The following SUGP1 variants were observed in gnomAD, a reference collection of about 807,000 sequenced individuals.
SUGP1 encodes the protein SURP and G-patch domain containing 1.
A neutral mutation model predicts 76.5 loss-of-function variants in SUGP1; 34 were observed. The ratio of observed to expected loss-of-function variants is 0.44; its 90% CI spans 0.34 to 0.59. The LOEUF is 0.59. Among genes scored for constraint, SUGP1 ranks in the 20% least tolerant of loss-of-function variants. The probability of loss-of-function intolerance (pLI) is 0.01; values close to 1 mark genes in which losing one functional copy is unlikely to be tolerated. For synonymous variants in SUGP1, 326 were observed against 326.2 expected (o/e 1.00, Z 0.01); for missense variants, 752 against 851.7 (o/e 0.88, Z 1.46).
At chr19:19,296,209 G>A (rs780986945) in intron 8 of SUGP1, among the ~76,000 whole-genome samples, 5 of 152,142 alleles carry the variant, frequency 3.3e-5, no homozygotes, top group Non-Finnish European at 7.3e-5. Flanking sequence ...GAACCCTTGT[G>A]CACTGCTGGT....
At position 19,300,862 on chromosome 19, in the gene SUGP1, T is replaced by A. The variant is rs867491415; in HGVS notation, c.887+1403A>T. On this transcript the variant is annotated intron_variant, in intron 7 of 13. Coordinates refer to ENST00000247001, the MANE Select transcript of SUGP1 (RefSeq NM_172231.4). ...GGAGGGCCGGGGCCACCTGCACCAA[T>A]AGCATCTCTCAGTTCTGACATCAGG... Among the ~76,000 whole-genome samples, 60 of 152,178 alleles carry A rather than the reference T, an allele frequency of 3.9e-4. 1 individual carries two copies. The highest frequency in any genetic ancestry group is 1.3e-3 in the African/African-American group (54 of 41,534).
At chr19:19,303,478 G>A (rs1438381192) in intron 5 of SUGP1, 30 bp from the exon 6 acceptor site, 1 of 1,582,440 alleles carries the variant, frequency 6.3e-7, no homozygotes, top group South Asian at 1.1e-5. Flanking sequence ...CAGAAGAGAG[G>A]GGAAAATAAG....
At chr19:19,307,131 C>A (rs761211131) in intron 3 of SUGP1, among the ~76,000 whole-genome samples, 32 of 152,184 alleles carry the variant, frequency 2.1e-4, no homozygotes, top group Admixed American at 1.3e-3. Flanking sequence ...GCAGCCTCTA[C>A]CTCCTGAACT....
In SUGP1 at chr19:19,279,235, G is replaced by A. The variant is rs1227358386; in HGVS notation, c.1506C>T (p.Arg502=). Residue 502 remains arginine, a synonymous_variant, in exon 10 of 14, where the codon CGC becomes CGT. Coordinates refer to ENST00000247001, the MANE Select transcript of SUGP1 (RefSeq NM_172231.4). ...TACCCCTGGTCTTATCCATCTCCAT[G>A]CGCCGCAGCTGGTGCTCCCAGGTGC... ...ELGTWEHQLR[R]MEMDKTREWA... 6.3e-7 allele frequency: 1 copy of A among 1,595,846 alleles called. No individual in the cohort carries two copies. Among genetic ancestry groups the A allele is most frequent in the Admixed American group, 1.7e-5 (1 of 59,420 alleles).
chr19:19,319,698 C>T (rs1473740011), intron 1 of SUGP1, among the ~76,000 whole-genome samples: 1 of 134,300 alleles, frequency 7.4e-6, no homozygotes, highest in Non-Finnish European at 1.6e-5. Context: ...CAAAGTGAGA[C>T]CCTGTCTCAA....
intron 12 of SUGP1, 38 bp from the exon 13 acceptor site, chr19:19,277,114 C>T: frequency 1.3e-6 from 2 of 1,588,466 alleles, no homozygotes; most frequent in Non-Finnish European, 8.5e-7. Context: ...GACCTGGGGC[C>T]AGAACTCTGG....
chr19:19,302,345 CT>C lies in SUGP1; in HGVS notation c.806del (p.Lys269SerfsTer6), dbSNP rs745809366. 6.2e-7 allele frequency: 1 copy of C among 1,614,208 alleles called. No homozygotes were observed. Reference sequence around the variant, plus strand: ...CCCCGTCCGCTATGAACCTGGCCAACTTTTCTGCAAGGTTCTTGACCTCTTC... The same window carrying C: ...CCCCGTCCGCTATGAACCTGGCCAACTTTCTGCAAGGTTCTTGACCTCTTC... ...EDEEVKNLAE[K>X]LARFIADGGP... is the part of the protein sequence containing the mutation. On this transcript the variant is annotated frameshift_variant, in exon 7 of 14. Coordinates refer to ENST00000247001, the MANE Select transcript of SUGP1 (RefSeq NM_172231.4). LOFTEE classifies it high-confidence loss of function.
intron 8 of SUGP1, among the ~76,000 whole-genome samples, chr19:19,292,720 C>T (rs1436288221): frequency 1.3e-5 from 2 of 151,976 alleles, no homozygotes; most frequent in Non-Finnish European, 2.9e-5. Context: ...CCTATGAATA[C>T]AGATGGAGAA....
chr19:19,293,907 G>A (rs1011377022), intron 8 of SUGP1, among the ~76,000 whole-genome samples: 6 of 151,926 alleles, frequency 3.9e-5, no homozygotes, highest in African/African-American at 1.2e-4. Context: ...CAAACAGACC[G>A]GGTGCAGTAG....
rs376330743 is a variant in SUGP1 at position 19,277,126 on chromosome 19, C to T, written c.1782-50G>A. On this transcript the variant is annotated intron_variant, in intron 12 of 13. Coordinates refer to ENST00000247001, the MANE Select transcript of SUGP1 (RefSeq NM_172231.4). ...AGGGACCTGGGGCCAGAACTCTGGC[C>T]GGGGGGCCGGGCACAGCTGGGCTCT... 3.1e-5 allele frequency: 49 copies of T among 1,565,072 alleles called. No homozygotes were observed. The Admixed American group carries it at 3.3e-4, about 11-fold the overall frequency.
rs1422491047 is a variant in SUGP1, at chr19:19,280,589, C to T, written c.1244-298G>A. 5.9e-5 allele frequency: 22 copies of T among 371,952 alleles called. No individual in the cohort carries two copies. In the Admixed American group the frequency reaches 8.6e-4, roughly 15 times the overall value. The allele number at this position is 371,952 out of a possible 1,614,324, so 23.0% of individuals were successfully genotyped here. A position where few individuals can be genotyped will look rare whatever the true frequency, so the allele number is the denominator to read the frequency against. ...CCGGGACTCACTCAGGGTCACACAGCTAACGAGTGACAGGGCAGGAATTTG... is the reference window on the plus strand; with the variant it reads ...CCGGGACTCACTCAGGGTCACACAGTTAACGAGTGACAGGGCAGGAATTTG... On this transcript the variant is annotated intron_variant, in intron 8 of 13. Coordinates refer to ENST00000247001, the MANE Select transcript of SUGP1 (RefSeq NM_172231.4).
intron 1 of SUGP1, among the ~76,000 whole-genome samples, chr19:19,316,967 G>A (rs2146632503): frequency 6.6e-6 from 1 of 152,128 alleles, no homozygotes. Context: ...GTGAAACCCT[G>A]TCTCTACTAA....
rs766064363 is a variant in SUGP1, at chr19:19,303,837, T to C, written c.549A>G (p.Pro183=). 6.2e-7 allele frequency: 1 copy of C among 1,614,100 alleles called. No individual in the cohort carries two copies. The highest frequency in any genetic ancestry group is 1.1e-5 in the South Asian group (1 of 91,076). ...TCACTTTCCGAGTCTCGGCTCCCTC[T>C]GGGGGTGAAACTTTAAGGAGGCTGT... ...EQWLEIKVSP[P]EGAETRKVIE... The change falls in exon 5 of 14, where the codon CCA becomes CCG. Residue 183 remains proline, a synonymous_variant. Coordinates refer to ENST00000247001, the MANE Select transcript of SUGP1 (RefSeq NM_172231.4).
In SUGP1 at chr19:19,279,371, A is replaced by G. The variant is rs2061079358; in HGVS notation, c.1370T>C (p.Met457Thr). The G allele has an allele frequency of 6.2e-7, 1 of 1,607,230 alleles. No homozygotes were observed. The highest frequency in any genetic ancestry group is 1.1e-5 in the South Asian group (1 of 90,628). Residue 457 changes from methionine (M) to threonine (T), a missense_variant, in exon 10 of 14, where the codon ATG becomes ACG. Transcript: ENST00000247001. Reference protein sequence around the residue: ...EQQEMQQMYDMIMQHKRAMQD... With the variant: ...EQQEMQQMYDTIMQHKRAMQD... ...CATGGCCCGCTTGTGCTGCATGATCATGTCGTACATCTGCTGCATCTGCAG... is the reference window on the plus strand; with the variant it reads ...CATGGCCCGCTTGTGCTGCATGATCGTGTCGTACATCTGCTGCATCTGCAG...
intron 6 of SUGP1, among the ~76,000 whole-genome samples, chr19:19,303,048 C>T (rs1407252291): frequency 1.3e-5 from 2 of 152,170 alleles, no homozygotes; most frequent in African/African-American, 4.8e-5. Flanking sequence ...AAGCAAAAGC[C>T]CCCTCTACCT....
intron 8 of SUGP1, among the ~76,000 whole-genome samples, chr19:19,291,662 G>T (rs2061184377): frequency 6.6e-6 from 1 of 152,046 alleles, no homozygotes; most frequent in Non-Finnish European, 1.5e-5. Context: ...GGCCGAAGCG[G>T]GTGGATCACG....
At chr19:19,279,102 TA>T in intron 10 of SUGP1, 110 bp downstream of exon 10, 2 of 1,256,782 alleles carry the variant, frequency 1.6e-6, no homozygotes, top group Non-Finnish European at 2.2e-6. Flanking sequence ...GGCTGGGGGC[TA>T]AACCAGGATG....
chr19:19,278,861 C>G, intron 10 of SUGP1, 65 bp from the exon 11 acceptor site: 1 of 1,519,650 alleles, frequency 6.6e-7, no homozygotes, highest in Non-Finnish European at 9.0e-7. Flanking sequence ...GGCCTGGTGG[C>G]TCCCAGGGCA....
chr19:19,306,475 G>C (rs2061318851), intron 3 of SUGP1, among the ~76,000 whole-genome samples: 1 of 152,220 alleles, frequency 6.6e-6, no homozygotes, highest in Non-Finnish European at 1.5e-5. Flanking sequence ...CAGCCTACTG[G>C]GTGTTCTCAG....
Sources: gnomAD v4.1 joint callset for allele counts (sites outside exome capture counted in the v4.1 genomes callset) on GRCh38, gnomAD v4.1.1 for gene constraint, MANE v1.5 for transcripts, NCBI Gene and HGNC (gene_info 2026-07-23, HGNC 2026-07-21) for gene names.